Variants in CDKAL1 observed in about 807,000 individuals in gnomAD.
The protein encoded by CDKAL1 is CDKAL1 threonylcarbamoyladenosine tRNA methylthiotransferase, also known as threonylcarbamoyladenosine tRNA methylthiotransferase.
CDKAL1 carries 32 observed loss-of-function variants against 68.2 expected under a neutral mutation model. That is an observed-to-expected ratio of 0.47 (90% CI 0.35 to 0.63). CDKAL1 has a LOEUF of 0.63. Among genes scored for constraint, CDKAL1 ranks in the 30% least tolerant of loss-of-function variants. The pLI, the probability that CDKAL1 is intolerant of heterozygous loss-of-function variation, is 0.00. For synonymous variants in CDKAL1, 234 were observed against 244.3 expected (o/e 0.96, Z 0.39); for missense variants, 606 against 696.7 (o/e 0.87, Z 1.47).
intron 13 of CDKAL1, among the ~76,000 whole-genome samples, chr6:21,182,523 G>A (rs1777831499): frequency 6.6e-6 from 1 of 152,146 alleles, no homozygotes; most frequent in Non-Finnish European, 1.5e-5. Context: ...ATTTTACCCT[G>A]CTGTAGTGCT....
chr6:20,629,513 G>A (rs1434770422), intron 4 of CDKAL1, among the ~76,000 whole-genome samples: 2 of 152,086 alleles, frequency 1.3e-5, no homozygotes, highest in African/African-American at 2.4e-5. Context: ...CCTGTGCTCT[G>A]CACCTTGCTG....
chr6:20,599,543 C>T (rs1004324365), intron 4 of CDKAL1, among the ~76,000 whole-genome samples: 2 of 152,086 alleles, frequency 1.3e-5, no homozygotes, highest in African/African-American at 4.8e-5. Context: ...TTGTGTTTCT[C>T]AAAGGAGTTT....
At chr6:21,107,923 C>T (rs1040111629) in intron 12 of CDKAL1, among the ~76,000 whole-genome samples, 2 of 152,174 alleles carry the variant, frequency 1.3e-5, no homozygotes, top group Non-Finnish European at 2.9e-5. Context: ...TAAAGGTATC[C>T]TCATAGCTGC....
rs187010435 is a variant in CDKAL1 at position 20,746,470 on chromosome 6, C to T, written c.468+6855C>T. ...CTTGTGAGTTCAAGAAAAATCTTCT[C>T]ATAGCGTTGAAACACATTAAGCTAG... On this transcript the variant is annotated intron_variant, in intron 6 of 15. Coordinates refer to ENST00000274695, the MANE Select transcript of CDKAL1 (RefSeq NM_017774.3). Among the ~76,000 whole-genome samples, 539 of 152,306 alleles carry T rather than the reference C, an allele frequency of 3.5e-3. 1 individual carries two copies. The highest frequency in any genetic ancestry group is 5.4e-3 in the Non-Finnish European group (369 of 68,030).
At chr6:20,708,123 C>T (rs772258758) in intron 5 of CDKAL1, among the ~76,000 whole-genome samples, 1 of 152,130 alleles carries the variant, frequency 6.6e-6, no homozygotes, top group African/African-American at 2.4e-5. Flanking sequence ...ATTTACTTTA[C>T]CTTTTTACTT....
chr6:20,865,134 G>A (rs986463434), intron 9 of CDKAL1, among the ~76,000 whole-genome samples: 1 of 152,124 alleles, frequency 6.6e-6, no homozygotes, highest in Non-Finnish European at 1.5e-5. Flanking sequence ...TTTTGCTGAA[G>A]CACAGAGAGG....
chr6:21,157,911 G>T lies in CDKAL1; in HGVS notation c.1300-40110G>T, dbSNP rs575131951. Among the ~76,000 whole-genome samples, 71 of 152,322 alleles carry T rather than the reference G, an allele frequency of 4.7e-4. 2 individuals are homozygous for T. The South Asian group carries it at 0.012, about 26-fold the overall frequency. ...GTGCTTGTTTATTTGGAAAAGAAAT[G>T]TTATTCAGAGAGGCATTTTATTTGT... On this transcript the variant is annotated intron_variant, in intron 13 of 15. Coordinates refer to ENST00000274695, the MANE Select transcript of CDKAL1 (RefSeq NM_017774.3).
At chr6:20,751,755 A>C (rs1190624405) in intron 6 of CDKAL1, among the ~76,000 whole-genome samples, 1 of 152,338 alleles carries the variant, frequency 6.6e-6, no homozygotes, top group African/African-American at 2.4e-5. Context: ...ATTGTTGAGA[A>C]CATATGGAGT....
intron 9 of CDKAL1, among the ~76,000 whole-genome samples, chr6:20,884,119 A>G (rs1054955408): frequency 1.3e-5 from 2 of 152,244 alleles, no homozygotes; most frequent in African/African-American, 2.4e-5. Flanking sequence ...TACACCCATC[A>G]TCAAGTGGGA....
intron 12 of CDKAL1, among the ~76,000 whole-genome samples, chr6:21,084,464 A>T (rs895528696): frequency 6.6e-6 from 1 of 152,132 alleles, no homozygotes; most frequent in Non-Finnish European, 1.5e-5. Context: ...TCAGTTGATG[A>T]ATTTTTAGTT....
intron 5 of CDKAL1, among the ~76,000 whole-genome samples, chr6:20,665,072 TG>T (rs1282231326): frequency 6.6e-6 from 1 of 151,954 alleles, no homozygotes; most frequent in Admixed American, 6.6e-5. Flanking sequence ...TAGATGGGGT[TG>T]GGGGAGTGAT....
intron 13 of CDKAL1, among the ~76,000 whole-genome samples, chr6:21,109,216 A>G (rs1435049950): frequency 6.6e-6 from 1 of 152,226 alleles, no homozygotes; most frequent in Non-Finnish European, 1.5e-5. Context: ...CAAAACTTCT[A>G]AACCATGTAG....
intron 11 of CDKAL1, among the ~76,000 whole-genome samples, chr6:21,031,600 C>A (rs891230155): frequency 1.3e-5 from 2 of 151,756 alleles, no homozygotes; most frequent in Non-Finnish European, 2.9e-5. Flanking sequence ...GAGGGCCAGG[C>A]CTGGCTTGGA....
intron 12 of CDKAL1, among the ~76,000 whole-genome samples, chr6:21,080,418 A>G (rs917389236): frequency 6.6e-6 from 1 of 152,200 alleles, no homozygotes; most frequent in Non-Finnish European, 1.5e-5. Flanking sequence ...GGGCTGATGC[A>G]GTACCTCTCC....
At chr6:20,865,631 T>TA (rs5874790) in intron 9 of CDKAL1, among the ~76,000 whole-genome samples, 92,624 of 150,596 alleles carry the variant, frequency 0.62, 28,558 homozygotes, top group African/African-American at 0.69. Flanking sequence ...GCTGAAATTG[T>TA]AAAAAAAAAA....
At chr6:21,137,019 C>G (rs1775638779) in intron 13 of CDKAL1, among the ~76,000 whole-genome samples, 1 of 152,108 alleles carries the variant, frequency 6.6e-6, no homozygotes, top group Admixed American at 6.5e-5. Context: ...ATTGCCATCC[C>G]CTCGCCCCCA....
chr6:21,049,736 A>C (rs1376008805), intron 11 of CDKAL1, among the ~76,000 whole-genome samples: 1 of 151,876 alleles, frequency 6.6e-6, no homozygotes, highest in African/African-American at 2.4e-5. Context: ...CAAATGATAT[A>C]TTCTGGATTT....
At chr6:20,929,273 T>G (rs7747830) in intron 9 of CDKAL1, among the ~76,000 whole-genome samples, 146,013 of 152,116 alleles carry the variant, frequency 0.96, 70,095 homozygotes, top group East Asian at 1. Flanking sequence ...TCAGTTTTTT[T>G]GGGGACTACT....
At chr6:20,792,561 C>T (rs962144205) in intron 8 of CDKAL1, among the ~76,000 whole-genome samples, 2 of 152,150 alleles carry the variant, frequency 1.3e-5, no homozygotes, top group African/African-American at 4.8e-5. Flanking sequence ...CGTTCTCCTC[C>T]CCCACTTTCT....
Sources: allele counts gnomAD v4.1 joint callset (sites outside exome capture counted in the v4.1 genomes callset), GRCh38; gene constraint gnomAD v4.1.1; transcripts MANE v1.5; gene names NCBI Gene and HGNC (gene_info 2026-07-23, HGNC 2026-07-21).